The following TBC1D4 variants were observed in gnomAD, a reference collection of about 807,000 sequenced individuals.
TBC1D4 encodes the protein TBC (Tre-2, BUB2, CDC16) domain-containing protein.
Under a neutral mutation model 142.5 loss-of-function variants are expected in TBC1D4, and 121 were observed. The ratio of observed to expected loss-of-function variants is 0.85; its 90% CI spans 0.73 to 0.99. The LOEUF is 0.99. Among genes scored for constraint, TBC1D4 ranks in the 50% least tolerant of loss-of-function variants. TBC1D4 has a pLI of 0.00. For missense variants in TBC1D4, 1,475 were observed against 1,606.6 expected (o/e 0.92, Z 1.40); for synonymous variants, 630 against 628.2 (o/e 1.00, Z -0.04).
At chr13:75,376,374 CATTTTT>C (rs1195043327) in intron 1 of TBC1D4, among the ~76,000 whole-genome samples, 1 of 75,508 alleles carries the variant, frequency 1.3e-5, no homozygotes, top group Non-Finnish European at 2.3e-5. Context: ...CTTCTGGTGA[CATTTTT>C]TTTTTTTTTT....
At chr13:75,409,841 T>A (rs981115400) in intron 1 of TBC1D4, among the ~76,000 whole-genome samples, 2 of 152,238 alleles carry the variant, frequency 1.3e-5, no homozygotes, top group African/African-American at 2.4e-5. Flanking sequence ...TCCCTTCTAA[T>A]CTTAGGATGT....
chr13:75,320,129 A>G (rs1878630787), intron 11 of TBC1D4, 92 bp from the exon 12 acceptor site: 2 of 1,393,296 alleles, frequency 1.4e-6, no homozygotes, highest in Non-Finnish European at 2.0e-6. Flanking sequence ...TAAGTCATCA[A>G]TAAGTCATGG....
intron 1 of TBC1D4, among the ~76,000 whole-genome samples, chr13:75,428,245 G>A (rs1171311677): frequency 6.6e-6 from 1 of 152,116 alleles, no homozygotes; most frequent in African/African-American, 2.4e-5. Flanking sequence ...AATGCTTCGT[G>A]TCATGAAACA....
At chr13:75,322,321 A>C (rs1878846855) in intron 11 of TBC1D4, among the ~76,000 whole-genome samples, 1 of 152,222 alleles carries the variant, frequency 6.6e-6, no homozygotes, top group African/African-American at 2.4e-5. Context: ...TGATCTTAGA[A>C]ATTTAAAAGT....
At chr13:75,431,193 G>A (rs1198543457) in intron 1 of TBC1D4, among the ~76,000 whole-genome samples, 2 of 152,170 alleles carry the variant, frequency 1.3e-5, no homozygotes, top group African/African-American at 4.8e-5. Flanking sequence ...TTGATATAAA[G>A]AAGCTAGTAA....
Position 75,408,850 on chromosome 13 carries a change from T to C in TBC1D4, c.499-46243A>G, listed in dbSNP as rs74817781. Among the ~76,000 whole-genome samples the C allele has an allele frequency of 7.3e-3, 1,119 of 152,354 alleles. 18 individuals carry two copies. The highest frequency in any genetic ancestry group is 0.026 in the African/African-American group (1,069 of 41,582). On this transcript the variant is annotated intron_variant, in intron 1 of 20. Transcript: ENST00000377636. ...ATGTTGAGCATTTTTAATGTGCTTA[T>C]TGACCATCTGAATACCTTCTTTGGA... is the stretch of plus-strand genomic sequence containing the variant.
intron 9 of TBC1D4, among the ~76,000 whole-genome samples, 154 bp from the exon 10 acceptor site, chr13:75,326,577 G>A (rs1216079116): frequency 6.6e-6 from 1 of 152,174 alleles, no homozygotes; most frequent in Admixed American, 6.5e-5. Context: ...TTATGCCGTA[G>A]GCTAATCAGT....
At chr13:75,453,350 T>C (rs1887603674) in intron 1 of TBC1D4, among the ~76,000 whole-genome samples, 1 of 152,098 alleles carries the variant, frequency 6.6e-6, no homozygotes, top group Non-Finnish European at 1.5e-5. Flanking sequence ...ATCATAGCCT[T>C]TATTTTTAAT....
intron 8 of TBC1D4, among the ~76,000 whole-genome samples, chr13:75,328,094 T>C (rs573695806): frequency 2.0e-5 from 3 of 152,328 alleles, no homozygotes; most frequent in South Asian, 2.1e-4. Flanking sequence ...GATTACACGT[T>C]ATTCATCCAT....
intron 5 of TBC1D4, among the ~76,000 whole-genome samples, chr13:75,342,239 G>A (rs370856364): frequency 1.3e-5 from 2 of 151,642 alleles, no homozygotes; most frequent in East Asian, 1.9e-4. Context: ...ATTTCTAAGC[G>A]ATACTGAGCA....
chr13:75,337,031 T>C lies in TBC1D4; in HGVS notation c.1621A>G (p.Asn541Asp), dbSNP rs1345443053. The change falls in exon 8 of 21, where the codon AAT (asparagine) becomes GAT (aspartate). Residue 541 changes from asparagine (N) to aspartate (D), a missense_variant. Physicochemically the swap from Asn to Asp is conservative, Grantham distance 23 (BLOSUM62 1). Transcript: ENST00000377636. ...GTTGCATTTTCTGGGATTGTACTAT[T>C]TGAAATAGTCTAAAAAAAGAAAAAC... ...HIGEGPSTIS[N>D]STIPENATSS... is the part of the protein sequence containing the mutation. 3 of 1,613,012 alleles carry C rather than the reference T, an allele frequency of 1.9e-6. No individual in the cohort carries two copies. The highest frequency in any genetic ancestry group is 3.3e-4 in the Middle Eastern group (2 of 6,052).
chr13:75,303,849 C>T (rs1294942932), intron 15 of TBC1D4, among the ~76,000 whole-genome samples: 1 of 152,152 alleles, frequency 6.6e-6, no homozygotes, highest in Non-Finnish European at 1.5e-5. Context: ...GTTTCTTGCA[C>T]CTCCTGTTGC....
chr13:75,443,994 T>C (rs1887163313), intron 1 of TBC1D4, among the ~76,000 whole-genome samples: 1 of 148,734 alleles, frequency 6.7e-6, no homozygotes, highest in African/African-American at 2.5e-5. Context: ...AAAAAAGCTG[T>C]AGATGCTAGG....
At chr13:75,413,430 G>T (rs7982953) in intron 1 of TBC1D4, among the ~76,000 whole-genome samples, 88,542 of 152,012 alleles carry the variant, frequency 0.58, 27,508 homozygotes, top group East Asian at 0.69. Flanking sequence ...AAAGTGCTGG[G>T]ATTACAGGCG....
Position 75,480,169 on chromosome 13 carries a change from T to TA in TBC1D4, c.498+1100dup, listed in dbSNP as rs200592483. On this transcript the variant is annotated intron_variant, in intron 1 of 20. Coordinates refer to ENST00000377636, the MANE Select transcript of TBC1D4 (RefSeq NM_014832.5). ...AATTACAGACAGAAGAATTGTGAAA[T>TA]AAAAAAAATTAAAGCCATATTTATA... Among the ~76,000 whole-genome samples the TA allele has an allele frequency of 1.1e-3, 163 of 152,148 alleles. 1 individual carries two copies. The highest frequency in any genetic ancestry group is 3.5e-3 in the African/African-American group (145 of 41,522).
intron 15 of TBC1D4, 146 bp downstream of exon 15, chr13:75,306,167 G>A: frequency 1.3e-6 from 1 of 751,704 alleles, no homozygotes. Flanking sequence ...ACTACAGGAA[G>A]AAACAAATTA....
At chr13:75,459,307 C>T (rs1235986170) in intron 1 of TBC1D4, among the ~76,000 whole-genome samples, 1 of 152,200 alleles carries the variant, frequency 6.6e-6, no homozygotes, top group East Asian at 1.9e-4. Flanking sequence ...TTCTCAATTT[C>T]CTGTTGACAT....
intron 1 of TBC1D4, among the ~76,000 whole-genome samples, chr13:75,464,721 C>A (rs1239736429): frequency 6.6e-6 from 1 of 152,218 alleles, no homozygotes. Context: ...AACTGAGACA[C>A]ATTTCCTGGA....
intron 1 of TBC1D4, among the ~76,000 whole-genome samples, chr13:75,459,792 T>G (rs1054754409): frequency 6.6e-6 from 1 of 152,222 alleles, no homozygotes; most frequent in Non-Finnish European, 1.5e-5. Flanking sequence ...AAGGAAAGAC[T>G]TGAAAACAAC....
Sources: gnomAD v4.1 joint callset for allele counts (sites outside exome capture counted in the v4.1 genomes callset) on GRCh38, gnomAD v4.1.1 for gene constraint, MANE v1.5 for transcripts, NCBI Gene and HGNC (gene_info 2026-07-23, HGNC 2026-07-21) for gene names.